EPM2A: variants seen among roughly 807,000 people sequenced by gnomAD.
EPM2A encodes the protein laforin.
A neutral mutation model predicts 26.5 loss-of-function variants in EPM2A; 21 were observed. The observed-to-expected ratio is 0.79, with a 90% CI of 0.56 to 1.14. The LOEUF is 1.14. Among genes scored for constraint, EPM2A ranks in the 50% most tolerant of loss-of-function variants. The probability of loss-of-function intolerance (pLI) is 0.00; values close to 1 mark genes in which losing one functional copy is unlikely to be tolerated. For synonymous variants in EPM2A, 217 were observed against 177.6 expected (o/e 1.22, Z -1.76); for missense variants, 458 against 440.8 (o/e 1.04, Z -0.35).
rs118093668 is a variant in EPM2A at position 145,545,017 on chromosome 6, C to T, written c.341-42442G>A. ...AATACCATCTTGGCATTGCCTTTTC[C>T]CTTACCTCCACATTCAATAAATCTT... On this transcript the variant is annotated intron_variant, in intron 2 of 3. Transcript: ENST00000450221. Among the ~76,000 whole-genome samples, 559 of 152,280 alleles carry T rather than the reference C, an allele frequency of 3.7e-3. 3 individuals are homozygous for T. Among genetic ancestry groups the T allele is most frequent in the Non-Finnish European group, 6.5e-3 (439 of 68,014 alleles).
chr6:145,391,986 G>T (rs1170178420), intron 4 of EPM2A, among the ~76,000 whole-genome samples: 1 of 152,138 alleles, frequency 6.6e-6, no homozygotes, highest in Non-Finnish European at 1.5e-5. Context: ...TTTGGTAAAT[G>T]CTGTTATGGG....
Position 145,635,403 on chromosome 6 carries a change from G to A in EPM2A, c.560C>T (p.Thr187Ile), listed in dbSNP as rs1582935082. Residue 187 changes from threonine to isoleucine, a missense_variant, in exon 3 of 4, where the codon ACA (threonine) becomes ATA (isoleucine). Transcript: ENST00000367519. ...TTCAGTCTGGAAATTCATTACAGCT[G>A]TAATCCCCAATTCATGCTTCAGTTT... ...TIKLKHELGITAVMNFQTEWD... is the reference protein window; with the variant it reads ...TIKLKHELGIIAVMNFQTEWD... 6.2e-7 allele frequency: 1 copy of A among 1,614,088 alleles called. No individual in the cohort carries two copies. The highest frequency in any genetic ancestry group is 8.5e-7 in the Non-Finnish European group (1 of 1,179,960).
intron 2 of EPM2A, among the ~76,000 whole-genome samples, chr6:145,526,263 C>T (rs1314456394): frequency 6.6e-6 from 1 of 151,830 alleles, no homozygotes; most frequent in Non-Finnish European, 1.5e-5. Flanking sequence ...TTCCCTGGGT[C>T]CTTCCCAGGT....
At chr6:145,462,749 C>A (rs1779342086) in intron 4 of EPM2A, among the ~76,000 whole-genome samples, 1 of 152,082 alleles carries the variant, frequency 6.6e-6, no homozygotes, top group African/African-American at 2.4e-5. Context: ...CTCTGAATCC[C>A]AGTGCAAGAG....
chr6:145,522,053 C>T (rs541975538), intron 2 of EPM2A, among the ~76,000 whole-genome samples: 2 of 152,076 alleles, frequency 1.3e-5, no homozygotes, highest in East Asian at 1.9e-4. Flanking sequence ...CCCGGGTTCA[C>T]GCCATTCTCC....
At chr6:145,499,923 C>T (rs904677985), downstream of EPM2A, among the ~76,000 whole-genome samples, 17 of 151,462 alleles carry the variant, frequency 1.1e-4, no homozygotes, top group Non-Finnish European at 2.2e-4. Flanking sequence ...TCCTGGAGCA[C>T]GAAGGTGAAG....
intron 4 of EPM2A, among the ~76,000 whole-genome samples, chr6:145,459,446 C>T (rs930512038): frequency 4.5e-4 from 69 of 152,306 alleles, no homozygotes; most frequent in African/African-American, 1.6e-3. Flanking sequence ...GTTTATTACA[C>T]TTCCATATTT....
At chr6:145,434,772 C>A (rs926655746) in intron 4 of EPM2A, among the ~76,000 whole-genome samples, 2 of 152,138 alleles carry the variant, frequency 1.3e-5, no homozygotes, top group African/African-American at 4.8e-5. Flanking sequence ...GCAGCCAATT[C>A]TCCCCTTTTC....
At chr6:145,547,201 C>T (rs1377772845) in intron 2 of EPM2A, among the ~76,000 whole-genome samples, 1 of 152,080 alleles carries the variant, frequency 6.6e-6, no homozygotes, top group Non-Finnish European at 1.5e-5. Flanking sequence ...AACTTTTCAA[C>T]AGTTTCAAAT....
chr6:145,732,388 C>T (rs1431417015), intron 1 of EPM2A, among the ~76,000 whole-genome samples: 3 of 135,424 alleles, frequency 2.2e-5, no homozygotes, highest in Non-Finnish European at 3.1e-5. Context: ...AAAACTGATA[C>T]ATATATCAGA....
chr6:145,649,826 C>G (rs1243609497), intron 2 of EPM2A, among the ~76,000 whole-genome samples: 1 of 152,160 alleles, frequency 6.6e-6, no homozygotes, highest in Non-Finnish European at 1.5e-5. Flanking sequence ...GCCTAGAAAG[C>G]CTAAAATATA....
intron 4 of EPM2A, among the ~76,000 whole-genome samples, chr6:145,471,856 G>T (rs374588618): frequency 6.6e-6 from 1 of 152,056 alleles, no homozygotes; most frequent in Non-Finnish European, 1.5e-5. Flanking sequence ...AAGTCCTAAG[G>T]CTGAACTAGG....
chr6:145,545,897 G>A (rs190882812), intron 2 of EPM2A, among the ~76,000 whole-genome samples: 1 of 152,228 alleles, frequency 6.6e-6, no homozygotes, highest in Admixed American at 6.5e-5. Flanking sequence ...GATCTGAAGG[G>A]TGTCACTTTC....
intron 2 of EPM2A, among the ~76,000 whole-genome samples, chr6:145,677,964 T>G (rs559825303): frequency 6.6e-6 from 1 of 152,312 alleles, no homozygotes; most frequent in African/African-American, 2.4e-5. Context: ...AGAGCCTGCA[T>G]TGCCATGACA....
intron 4 of EPM2A, among the ~76,000 whole-genome samples, chr6:145,462,002 C>T (rs1245809002): frequency 6.6e-6 from 1 of 152,192 alleles, no homozygotes; most frequent in African/African-American, 2.4e-5. Context: ...CTGCTGGATT[C>T]GAATCCCAGT....
At chr6:145,449,558 C>G (rs1779170480) in intron 4 of EPM2A, among the ~76,000 whole-genome samples, 1 of 152,154 alleles carries the variant, frequency 6.6e-6, no homozygotes, top group Non-Finnish European at 1.5e-5. Context: ...AAATAGCAAG[C>G]CCCCGCACAA....
At chr6:145,448,283 G>A (rs1779150442) in intron 4 of EPM2A, among the ~76,000 whole-genome samples, 1 of 152,034 alleles carries the variant, frequency 6.6e-6, no homozygotes, top group Non-Finnish European at 1.5e-5. Context: ...CAATACTCGT[G>A]TCTTTAGCAT....
intron 1 of EPM2A, among the ~76,000 whole-genome samples, chr6:145,710,509 T>G (rs1409598449): frequency 6.6e-6 from 1 of 152,154 alleles, no homozygotes; most frequent in Non-Finnish European, 1.5e-5. Context: ...AGGAACACTT[T>G]TACACTGTTG....
chr6:145,727,951 C>T (rs1422566177), intron 1 of EPM2A, among the ~76,000 whole-genome samples: 2 of 152,174 alleles, frequency 1.3e-5, no homozygotes, highest in Admixed American at 1.3e-4. Flanking sequence ...TTCCTCCTTG[C>T]TGTTCTTGTG....
Sources: allele counts gnomAD v4.1 joint callset (sites outside exome capture counted in the v4.1 genomes callset), GRCh38; gene constraint gnomAD v4.1.1; transcripts MANE v1.5; gene names NCBI Gene and HGNC (gene_info 2026-07-23, HGNC 2026-07-21).